DSG2: variants seen among roughly 807,000 people sequenced by gnomAD.
The protein encoded by DSG2 is desmoglein-2.
In DSG2, 45 loss-of-function variants were observed where a neutral mutation model predicts 75.6. The observed-to-expected ratio is 0.60, with a 90% CI of 0.47 to 0.76. The LOEUF (loss-of-function observed/expected upper bound fraction) is 0.76. DSG2 is among the 30% of genes least tolerant of loss of function. DSG2 has a pLI of 0.00. For missense variants in DSG2, 1,267 were observed against 1,357.4 expected (o/e 0.93, Z 1.05); for synonymous variants, 429 against 483.9 (o/e 0.89, Z 1.49).
intron 1 of DSG2, among the ~76,000 whole-genome samples, chr18:31,517,422 C>A (rs1176505874): frequency 6.6e-6 from 1 of 152,102 alleles, no homozygotes; most frequent in African/African-American, 2.4e-5. Context: ...CATATCAAAG[C>A]AGCTAGAAGA....
chr18:31,500,035 G>T (rs1366631226), intron 1 of DSG2, among the ~76,000 whole-genome samples: 4 of 57,550 alleles, frequency 7.0e-5, no homozygotes, highest in Admixed American at 1.5e-4. Context: ...CAGTTTTTTG[G>T]TAAAAAAAAA....
In DSG2 at chr18:31,547,798, A is replaced by C. The variant is rs2073325514; in HGVS notation, c.*1055A>C. Reference sequence around the variant, plus strand: ...CCAAAACAAAATTTATAAGTATAAAATAATTTTACTTCTTATAGTAATAGT... The same window carrying C: ...CCAAAACAAAATTTATAAGTATAAACTAATTTTACTTCTTATAGTAATAGT... On this transcript the variant is annotated 3_prime_UTR_variant, in exon 15 of 15. Transcript: ENST00000261590. The C allele has an allele frequency of 1.3e-5, 2 of 152,242 alleles. No homozygotes were observed. The highest frequency in any genetic ancestry group is 1.3e-4 in the Admixed American group (2 of 15,288). The allele number at this position is 152,242 out of a possible 1,614,324, so 9.4% of individuals were successfully genotyped here.
intron 11 of DSG2, among the ~76,000 whole-genome samples, chr18:31,536,819 A>G (rs1487007973): frequency 1.3e-5 from 2 of 152,206 alleles, no homozygotes; most frequent in East Asian, 1.9e-4. Flanking sequence ...AGCCCACCCT[A>G]TGTATTACCA....
rs377141892 is a variant in DSG2, at chr18:31,529,979, T to C, written c.1015-1008T>C. ...TCTAAGTAGTAGAATACTATGGAAA[T>C]GTTTATAAAAAGAAACATTGAAAAG... On this transcript the variant is annotated intron_variant, in intron 8 of 14. Transcript: ENST00000261590. 1.7e-4 allele frequency among the ~76,000 whole-genome samples: 26 copies of C among 152,310 alleles called. No homozygotes were observed. In the East Asian group the frequency reaches 3.5e-3, roughly 20 times the overall value.
chr18:31,524,684 A>T lies in DSG2; in HGVS notation c.829-19A>T. 6.2e-7 allele frequency: 1 copy of T among 1,613,830 alleles called. No individual in the cohort carries two copies. The highest frequency in any genetic ancestry group is 8.5e-7 in the Non-Finnish European group (1 of 1,179,898). The stretch of plus-strand genomic sequence containing the variant: ...TTTGTATTTCATTGAAATAAAAATC[A>T]TGTGTTCATGTTTTGCAGCTTGAAG... On this transcript the variant is annotated intron_variant, in intron 7 of 14. Coordinates refer to ENST00000261590, the MANE Select transcript of DSG2 (RefSeq NM_001943.5).
intron 9 of DSG2, among the ~76,000 whole-genome samples, chr18:31,533,790 G>A (rs1163678749): frequency 6.6e-6 from 1 of 152,098 alleles, no homozygotes; most frequent in Non-Finnish European, 1.5e-5. Context: ...TTTAGTTCAA[G>A]TGTATAATTG....
intron 8 of DSG2, among the ~76,000 whole-genome samples, chr18:31,530,305 C>A (rs1212770731): frequency 6.6e-6 from 1 of 152,038 alleles, no homozygotes; most frequent in African/African-American, 2.4e-5. Context: ...CTAAAATAAA[C>A]CCATAGAACA....
intron 9 of DSG2, among the ~76,000 whole-genome samples, chr18:31,534,007 T>TC (rs1462045339): frequency 3.3e-4 from 50 of 150,498 alleles, no homozygotes; most frequent in African/African-American, 1.2e-3. Context: ...TTTTTTTTTT[T>TC]TGAGACTGAG....
At position 31,547,730 on chromosome 18, in the gene DSG2, A is replaced by G. The variant is rs1598828806; in HGVS notation, c.*987A>G. ...AGCATTATACCTCTTCCTTGTCTCA[A>G]CCGCCATGAAAATTCTGAACACTCC... On this transcript the variant is annotated 3_prime_UTR_variant, in exon 15 of 15. Transcript: ENST00000261590. 6.6e-6 allele frequency: 1 copy of G among 152,128 alleles called. No individual in the cohort carries two copies. Among genetic ancestry groups the G allele is most frequent in the Non-Finnish European group, 1.5e-5 (1 of 68,034 alleles). 9.4% of individuals were successfully genotyped at this position (152,128 alleles called of 1,614,324 possible). A position where few individuals can be genotyped will look rare whatever the true frequency, so the allele number is the denominator to read the frequency against.
intron 14 of DSG2, among the ~76,000 whole-genome samples, chr18:31,544,937 A>G (rs1054214482): frequency 6.6e-6 from 1 of 152,126 alleles, no homozygotes; most frequent in Non-Finnish European, 1.5e-5. Flanking sequence ...CTAAATTTGC[A>G]AATTATTAGC....
At chr18:31,541,744 C>A (rs1490764949) in intron 13 of DSG2, among the ~76,000 whole-genome samples, 2 of 152,126 alleles carry the variant, frequency 1.3e-5, no homozygotes, top group Non-Finnish European at 2.9e-5. Flanking sequence ...TAGCCATATC[C>A]CTTTGTCTCT....
rs1323803119 is a variant in DSG2, at chr18:31,542,510, G to C, written c.2002-10G>C. The C allele has an allele frequency of 1.9e-6, 3 of 1,613,414 alleles. No individual in the cohort carries two copies. The East Asian group carries it at 6.7e-5, about 36-fold the overall frequency. ...CCTGACTCAGTTCTCAGCTGTGTTTGCTCTCACAGGTGGTGCCATCATTTC... is the reference window on the plus strand; with the variant it reads ...CCTGACTCAGTTCTCAGCTGTGTTTCCTCTCACAGGTGGTGCCATCATTTC... On this transcript the variant is annotated splice_polypyrimidine_tract_variant and intron_variant, in intron 13 of 14. Coordinates refer to ENST00000261590, the MANE Select transcript of DSG2 (RefSeq NM_001943.5).
intron 9 of DSG2, 147 bp downstream of exon 9, chr18:31,531,399 G>A: frequency 1.0e-6 from 1 of 990,640 alleles, no homozygotes. Flanking sequence ...TTCCAAAGAT[G>A]TGTCTATAAC....
At chr18:31,514,061 T>A (rs1444539396) in intron 1 of DSG2, among the ~76,000 whole-genome samples, 2 of 152,116 alleles carry the variant, frequency 1.3e-5, no homozygotes, top group African/African-American at 2.4e-5. Context: ...CCAAATGCAA[T>A]GTGGAATCGT....
chr18:31,528,904 G>C (rs948645021), intron 8 of DSG2, among the ~76,000 whole-genome samples: 7 of 152,018 alleles, frequency 4.6e-5, no homozygotes, highest in African/African-American at 1.7e-4. Context: ...AGGAACTTTT[G>C]GGGGTGATGG....
chr18:31,546,981 T>G lies in DSG2; in HGVS notation c.*238T>G, dbSNP rs555035341. Reference sequence around the variant, plus strand: ...AGATGATGCTGCTGCTTAGGTGCCTTTTAGCAAGCTATGCAAACAATCCTG... The same window carrying G: ...AGATGATGCTGCTGCTTAGGTGCCTGTTAGCAAGCTATGCAAACAATCCTG... On this transcript the variant is annotated 3_prime_UTR_variant, in exon 15 of 15. Transcript: ENST00000261590. The G allele has an allele frequency of 1.8e-3, 1,042 of 582,586 alleles. 21 individuals carry two copies. In the South Asian group the frequency reaches 0.019, roughly 11 times the overall value. The allele number at this position is 582,586 out of a possible 1,614,324, so 36.1% of individuals were successfully genotyped here. A position where few individuals can be genotyped will look rare whatever the true frequency, so the allele number is the denominator to read the frequency against.
chr18:31,505,352 C>T (rs187496272), intron 1 of DSG2, among the ~76,000 whole-genome samples: 16 of 152,294 alleles, frequency 1.1e-4, no homozygotes, highest in South Asian at 2.1e-4. Context: ...CTGATTTCCC[C>T]GCAAGGAAGT....
chr18:31,534,241 G>T lies in DSG2; in HGVS notation c.1281-1029G>T, dbSNP rs550306859. ...GACCTCAGGTGGTCCATCCAACTCG[G>T]CTTCCCGAAGTGCTAGGATTATAGG... On this transcript the variant is annotated intron_variant, in intron 9 of 14. Coordinates refer to ENST00000261590, the MANE Select transcript of DSG2 (RefSeq NM_001943.5). 5.9e-5 allele frequency among the ~76,000 whole-genome samples: 9 copies of T among 152,186 alleles called. No individual in the cohort carries two copies. The South Asian group carries it at 1.9e-3, about 32-fold the overall frequency.
rs2073228929 is a variant in DSG2 at position 31,536,189 on chromosome 18, T to C, written c.1424-13T>C. ...GAACAGAATGTACATACTTTTTCTC[T>C]CTTATTTTTAAGATTATCCTAGAAA... On this transcript the variant is annotated splice_polypyrimidine_tract_variant and intron_variant, in intron 10 of 14. Transcript: ENST00000261590. 1.2e-6 allele frequency: 2 copies of C among 1,612,468 alleles called. No homozygotes were observed. The highest frequency in any genetic ancestry group is 4.5e-5 in the East Asian group (2 of 44,848).
Sources: allele counts gnomAD v4.1 joint callset (sites outside exome capture counted in the v4.1 genomes callset), GRCh38; gene constraint gnomAD v4.1.1; transcripts MANE v1.5; gene names NCBI Gene and HGNC (gene_info 2026-07-23, HGNC 2026-07-21).